Variants in CDC42BPA observed in about 807,000 individuals in gnomAD.
CDC42BPA encodes serine/threonine-protein kinase MRCK alpha.
A neutral mutation model predicts 223.5 loss-of-function variants in CDC42BPA; 80 were observed. That is an observed-to-expected ratio of 0.36 (90% CI 0.30 to 0.43). The LOEUF is 0.43. CDC42BPA is among the 20% of genes least tolerant of loss of function. The pLI is 1.00. For synonymous variants in CDC42BPA, 694 were observed against 718.6 expected (o/e 0.97, Z 0.55); for missense variants, 1,743 against 2,099.9 (o/e 0.83, Z 3.32).
intron 11 of CDC42BPA, 29 bp downstream of exon 11, chr1:227,129,080 T>C: frequency 7.5e-7 from 1 of 1,325,090 alleles, no homozygotes; most frequent in Non-Finnish European, 1.1e-6. Context: ...TTTCCTAAAT[T>C]GAATTAACAG....
intron 32 of CDC42BPA, among the ~76,000 whole-genome samples, chr1:227,022,404 G>A (rs1268069156): frequency 6.6e-6 from 1 of 151,166 alleles, no homozygotes; most frequent in Admixed American, 6.6e-5. Context: ...CTGCACTATA[G>A]CCTGGGCAAC....
intron 14 of CDC42BPA, 95 bp from the exon 15 acceptor site, chr1:227,101,334 T>C (rs903960957): frequency 1.4e-6 from 1 of 703,312 alleles, no homozygotes; most frequent in Non-Finnish European, 2.2e-6. Context: ...TTCATATAAC[T>C]GCATTTTTTG....
intron 3 of CDC42BPA, among the ~76,000 whole-genome samples, chr1:227,207,368 T>A (rs532726193): frequency 1.4e-5 from 2 of 143,776 alleles, no homozygotes; most frequent in East Asian, 4.5e-4. Context: ...TTTCTTTTTC[T>A]TTTTTTTTTA....
intron 15 of CDC42BPA, among the ~76,000 whole-genome samples, chr1:227,096,115 T>A (rs1558487124): frequency 6.6e-6 from 1 of 152,198 alleles, no homozygotes; most frequent in Non-Finnish European, 1.5e-5. Context: ...AGATAAATTA[T>A]AATTTAAATG....
intron 19 of CDC42BPA, 91 bp downstream of exon 19, chr1:227,073,773 C>G (rs1678907479): frequency 1.9e-6 from 2 of 1,037,810 alleles, no homozygotes; most frequent in South Asian, 3.5e-5. Context: ...TTTCTAAAAG[C>G]AAGCAATGGA....
At chr1:227,191,072 G>A (rs765021171) in intron 5 of CDC42BPA, among the ~76,000 whole-genome samples, 10 of 152,076 alleles carry the variant, frequency 6.6e-5, no homozygotes, top group African/African-American at 2.2e-4. Context: ...GGCCGGGCAC[G>A]GTGGCTCATG....
chr1:227,118,969 G>A (rs767913698), intron 12 of CDC42BPA, among the ~76,000 whole-genome samples: 78 of 152,006 alleles, frequency 5.1e-4, no homozygotes, highest in Non-Finnish European at 9.0e-4. Flanking sequence ...ATCAGCTAAA[G>A]GTTATTTGTT....
chr1:227,042,486 T>TA (rs1206658415), intron 23 of CDC42BPA, among the ~76,000 whole-genome samples: 3 of 152,100 alleles, frequency 2.0e-5, no homozygotes, highest in Non-Finnish European at 2.9e-5. Context: ...AATCCACTAC[T>TA]AAAGATTAAC....
At position 227,241,238 on chromosome 1, in the gene CDC42BPA, T is replaced by C. The variant is rs541831800; in HGVS notation, c.270+12826A>G. 1.1e-4 allele frequency among the ~76,000 whole-genome samples: 16 copies of C among 152,226 alleles called. 1 individual carries two copies. Among genetic ancestry groups the C allele is most frequent in the East Asian group, 7.7e-4 (4 of 5,186 alleles). ...AAAAATATTAGGCAAGAACAGGGCA[T>C]AAGTAGGAATATAAAAATGGTACAA... On this transcript the variant is annotated intron_variant, in intron 2 of 36. Transcript: ENST00000366766.
chr1:227,279,357 C>A (rs1216460592), intron 1 of CDC42BPA, among the ~76,000 whole-genome samples: 1 of 151,982 alleles, frequency 6.6e-6, no homozygotes, highest in East Asian at 1.9e-4. Flanking sequence ...GGAGGTACTG[C>A]TTTCATAAAA....
intron 4 of CDC42BPA, among the ~76,000 whole-genome samples, chr1:227,196,758 T>A (rs7521110): frequency 0.36 from 55,388 of 152,080 alleles, 10,244 homozygotes; most frequent in Middle Eastern, 0.39. Flanking sequence ...AATTCAAGTA[T>A]CTTTCACCTT....
At chr1:227,062,909 T>G (rs1296267398) in intron 21 of CDC42BPA, among the ~76,000 whole-genome samples, 1 of 152,036 alleles carries the variant, frequency 6.6e-6, no homozygotes, top group African/African-American at 2.4e-5. Context: ...GAAAAGAGCA[T>G]GAATATCTCA....
At chr1:227,019,645 TG>T (rs1666998209) in intron 32 of CDC42BPA, among the ~76,000 whole-genome samples, 1 of 151,922 alleles carries the variant, frequency 6.6e-6, no homozygotes, top group Non-Finnish European at 1.5e-5. Context: ...CCTTTATCCA[TG>T]GGCTACAGAA....
At chr1:227,302,926 T>A (rs1030770909) in intron 1 of CDC42BPA, among the ~76,000 whole-genome samples, 1 of 152,024 alleles carries the variant, frequency 6.6e-6, no homozygotes, top group Non-Finnish European at 1.5e-5. Flanking sequence ...CTCCTTTTTA[T>A]GGCATCCTGA....
At chr1:227,039,682 CAT>C (rs1670981640) in intron 24 of CDC42BPA, among the ~76,000 whole-genome samples, 1 of 151,454 alleles carries the variant, frequency 6.6e-6, no homozygotes, top group African/African-American at 2.4e-5. Flanking sequence ...GTTCCATAAA[CAT>C]GTGATGAATA....
chr1:227,071,327 G>C (rs534327687), intron 20 of CDC42BPA, among the ~76,000 whole-genome samples: 4 of 151,878 alleles, frequency 2.6e-5, no homozygotes, highest in Non-Finnish European at 5.9e-5. Context: ...AACGAGTTCA[G>C]TATTCAGTGA....
intron 10 of CDC42BPA, among the ~76,000 whole-genome samples, chr1:227,131,189 A>G (rs577470019): frequency 7.6e-4 from 116 of 152,284 alleles, no homozygotes; most frequent in African/African-American, 2.7e-3. Context: ...AGGCACATAA[A>G]TCCCCTACGG....
intron 6 of CDC42BPA, among the ~76,000 whole-genome samples, chr1:227,148,939 T>C (rs1034558177): frequency 6.6e-6 from 1 of 152,024 alleles, no homozygotes; most frequent in Admixed American, 6.6e-5. Flanking sequence ...TGGGGAATTG[T>C]TGGTTTTCAT....
At chr1:227,092,118 A>G in intron 15 of CDC42BPA, 127 bp from the exon 16 acceptor site, 1 of 578,302 alleles carries the variant, frequency 1.7e-6, no homozygotes, top group Non-Finnish European at 3.0e-6. Context: ...TTGTCCCCAT[A>G]GAATACAGCT....
Sources: gnomAD v4.1 joint callset for allele counts (sites outside exome capture counted in the v4.1 genomes callset) on GRCh38, gnomAD v4.1.1 for gene constraint, MANE v1.5 for transcripts, NCBI Gene and HGNC (gene_info 2026-07-23, HGNC 2026-07-21) for gene names.